Variants in PPOX observed in about 807,000 individuals in gnomAD.
PPOX encodes variegate porphyria.
A neutral mutation model predicts 54.1 loss-of-function variants in PPOX; 23 were observed. The observed-to-expected ratio is 0.43, with a 90% confidence interval of 0.31 to 0.60. The LOEUF (loss-of-function observed/expected upper bound fraction) is 0.60. PPOX is among the 20% of genes least tolerant of loss of function. The probability of loss-of-function intolerance (pLI) is 0.13; values close to 1 mark genes in which losing one functional copy is unlikely to be tolerated. For synonymous variants in PPOX, 224 were observed against 236.1 expected (o/e 0.95, Z 0.47); for missense variants, 512 against 601.1 (o/e 0.85, Z 1.55).
downstream of PPOX, chr1:161,174,800 A>AT (rs1238323409): frequency 1.1e-5 from 7 of 612,712 alleles, no homozygotes; most frequent in Non-Finnish European, 2.0e-5. Context: ...GACAGTGGGA[A>AT]TAACCTAAGC....
In PPOX at chr1:161,170,538, T is replaced by TG; in HGVS notation, c.1098+20dup. On this transcript the variant is annotated intron_variant, in intron 10 of 12. Coordinates refer to ENST00000367999, the MANE Select transcript of PPOX (RefSeq NM_001122764.3). ...AGTGACTGTGAGGAGGAGGAAACTTTGCCTAGTGGCATTTCCAGAGGGCTC... is the reference window on the plus strand; with the variant it reads ...AGTGACTGTGAGGAGGAGGAAACTTTGGCCTAGTGGCATTTCCAGAGGGCTC... The TG allele has an allele frequency of 6.2e-7, 1 of 1,614,184 alleles. No individual in the cohort carries two copies. The highest frequency in any genetic ancestry group is 2.2e-5 in the East Asian group (1 of 44,894).
At chr1:161,167,303 G>A in intron 3 of PPOX, 68 bp from the exon 4 acceptor site, 5 of 1,614,150 alleles carry the variant, frequency 3.1e-6, no homozygotes, top group East Asian at 2.2e-5. Context: ...GAGTTTAGGG[G>A]AGGAAGTATG....
At position 161,166,827 on chromosome 1, in the gene PPOX, C is replaced by A. The variant is rs767015548; in HGVS notation, c.-8-13C>A. 1 of 1,612,444 alleles carries A rather than the reference C, an allele frequency of 6.2e-7. No homozygotes were observed. Among genetic ancestry groups the A allele is most frequent in the East Asian group, 2.2e-5 (1 of 44,888 alleles). On this transcript the variant is annotated splice_polypyrimidine_tract_variant and intron_variant, in intron 1 of 12. Transcript: ENST00000367999. The stretch of plus-strand genomic sequence containing the variant: ...CCCCGGTCTGCCTGTCCATATCGCC[C>A]CCTTTCCCCCAGGTTTCCGCATGGG...
At position 161,170,679 on chromosome 1, in the gene PPOX, G is replaced by A. The variant is rs758588366; in HGVS notation, c.1158G>A (p.Gln386=). Residue 386 remains glutamine (Q), a synonymous_variant, in exon 11 of 13, where the codon CAG becomes CAA. Transcript: ENST00000367999. Reference sequence around the variant, plus strand: ...AGGCTAGTGGCTGTGTCTTATCTCAGGAGCTGTTTCAACAGCGGGCCCAGG... The same window carrying A: ...AGGCTAGTGGCTGTGTCTTATCTCAAGAGCTGTTTCAACAGCGGGCCCAGG... The part of the protein sequence containing the change: ...TLEASGCVLS[Q]ELFQQRAQEA... The A allele has an allele frequency of 1.2e-6, 2 of 1,614,140 alleles. No individual in the cohort carries two copies. The highest frequency in any genetic ancestry group is 1.7e-6 in the Non-Finnish European group (2 of 1,180,042).
chr1:161,165,757 GAT>G (rs1238017305), upstream of PPOX: 1 of 256,246 alleles, frequency 3.9e-6, no homozygotes, highest in Non-Finnish European at 7.6e-6. Flanking sequence ...CTTAGGGGGT[GAT>G]AGAGAACTGA....
chr1:161,174,308 G>A (rs1028733855), downstream of PPOX, among the ~76,000 whole-genome samples: 1 of 151,684 alleles, frequency 6.6e-6, no homozygotes, highest in Non-Finnish European at 1.5e-5. Context: ...TCAGGAGGCT[G>A]AGGCAGGAGA....
At position 161,167,407 on chromosome 1, in the gene PPOX, G is replaced by A; in HGVS notation, c.259G>A (p.Val87Ile). The change falls in exon 4 of 13, where the codon GTC (valine) becomes ATC (isoleucine). Residue 87 changes from valine (V) to isoleucine (I), a missense_variant. Transcript: ENST00000367999. ...ELGLDSEVLP[V>I]RGDHPAAQNR... is the part of the protein sequence containing the mutation. The stretch of plus-strand genomic sequence containing the variant: ...TGGCTTGGATTCAGAAGTGCTGCCT[G>A]TCCGGGGAGACCACCCAGCTGCCCA... The A allele has an allele frequency of 6.2e-7, 1 of 1,613,948 alleles. No homozygotes were observed. The highest frequency in any genetic ancestry group is 1.3e-5 in the African/African-American group (1 of 74,974).
chr1:161,174,722 G>C (rs898042806), downstream of PPOX, among the ~76,000 whole-genome samples: 1 of 152,158 alleles, frequency 6.6e-6, no homozygotes, highest in Non-Finnish European at 1.5e-5. Context: ...TAGAATTTTA[G>C]CCCTATTGTG....
rs556315387 is a variant in PPOX, at chr1:161,168,486, C to G, written c.526C>G (p.Arg176Gly). Residue 176 changes from arginine to glycine, a missense_variant, in exon 6 of 13, where the codon CGT becomes GGT. By Grantham distance (125) the Arg-to-Gly change is moderately radical. Transcript: ENST00000367999. ...LCRGVFAGNSRELSIRSCFPS... is the reference protein window; with the variant it reads ...LCRGVFAGNSGELSIRSCFPS... ...CCGTGGAGTGTTTGCAGGCAACAGC[C>G]GTGAGCTCAGCATCAGGTCCTGCTT... is the stretch of plus-strand genomic sequence containing the variant. 1 of 1,614,128 alleles carries G rather than the reference C, an allele frequency of 6.2e-7. No individual in the cohort carries two copies. Among genetic ancestry groups the G allele is most frequent in the East Asian group, 2.2e-5 (1 of 44,886 alleles).
rs1490904401 is a variant in PPOX, at chr1:161,167,458, G to A, written c.310G>A (p.Ala104Thr). 6.2e-7 allele frequency: 1 copy of A among 1,612,212 alleles called. No homozygotes were observed. The highest frequency in any genetic ancestry group is 8.5e-7 in the Non-Finnish European group (1 of 1,179,954). The change falls in exon 4 of 13, where the codon GCC (alanine) becomes ACC (threonine). Residue 104 changes from alanine (A) to threonine (T), a missense_variant. Coordinates refer to ENST00000367999, the MANE Select transcript of PPOX (RefSeq NM_001122764.3). ...AQNRFLYVGGALHALPTGLRG... is the reference protein window; with the variant it reads ...AQNRFLYVGGTLHALPTGLRG... ...GAACAGGTTCCTCTACGTGGGCGGT[G>A]CCCTGCATGCCCTACCCACTGGCCT...
chr1:161,169,353 C>A, intron 7 of PPOX, 170 bp downstream of exon 7: 1 of 818,542 alleles, frequency 1.2e-6, no homozygotes, highest in Non-Finnish European at 1.9e-6. Context: ...GAACCTTCCT[C>A]AAAGAGCCTA....
chr1:161,166,100 T>C (rs2101831652), upstream of PPOX: 1 of 985,342 alleles, frequency 1.0e-6, no homozygotes, highest in Middle Eastern at 5.2e-4. Flanking sequence ...TGGCCTTAAG[T>C]GTCCCTATCT....
At chr1:161,171,617 G>A, downstream of PPOX, 1 of 680,586 alleles carries the variant, frequency 1.5e-6, no homozygotes, top group Non-Finnish European at 2.4e-6. Flanking sequence ...AAGCCCTACA[G>A]GAGACCCTAG....
Position 161,169,018 on chromosome 1 carries a change from A to G in PPOX, c.642A>G (p.Ala214=), listed in dbSNP as rs750929022. The change falls in exon 7 of 13, where the codon GCA becomes GCG. Residue 214 remains alanine, a synonymous_variant. Coordinates refer to ENST00000367999, the MANE Select transcript of PPOX (RefSeq NM_001122764.3). ...GGCGGACCCCACAGCCAGACTCAGC[A>G]CTCATTCGCCAGGCCTTGGCTGAGC... ...GAGRTPQPDS[A]LIRQALAERW... The G allele has an allele frequency of 6.2e-7, 1 of 1,614,016 alleles. No homozygotes were observed. Among genetic ancestry groups the G allele is most frequent in the South Asian group, 1.1e-5 (1 of 91,084 alleles).
chr1:161,172,552 T>C (rs1661834830), downstream of PPOX: 1 of 516,874 alleles, frequency 1.9e-6, no homozygotes, highest in African/African-American at 2.0e-5. Flanking sequence ...CCCTAGGGCC[T>C]TTAAACAGTT....
rs1216503883 is a variant in PPOX at position 161,168,974 on chromosome 1, T to C, written c.617-19T>C. 6.2e-7 allele frequency: 1 copy of C among 1,613,034 alleles called. No individual in the cohort carries two copies. Among genetic ancestry groups the C allele is most frequent in the East Asian group, 2.2e-5 (1 of 44,892 alleles). ...CCACTGCATCCAGCCTCAATGATTC[T>C]TCTTTGCTTCCTCTGCAGGGCGGAC... On this transcript the variant is annotated intron_variant, in intron 6 of 12. Coordinates refer to ENST00000367999, the MANE Select transcript of PPOX (RefSeq NM_001122764.3).
chr1:161,167,389 G>T lies in PPOX; in HGVS notation c.241G>T (p.Asp81Tyr). ...TLLLVSELGLDSEVLPVRGDH... is the reference protein window; with the variant it reads ...TLLLVSELGLYSEVLPVRGDH... ...AGAGCAGGTTTCTGAGCTTGGCTTG[G>T]ATTCAGAAGTGCTGCCTGTCCGGGG... is the stretch of plus-strand genomic sequence containing the variant. Residue 81 changes from aspartate (D) to tyrosine (Y), a missense_variant, in exon 4 of 13, where the codon GAT (aspartate) becomes TAT (tyrosine). By Grantham distance (160) the Asp-to-Tyr change is radical (BLOSUM62 -3). Transcript: ENST00000367999. 1 of 1,613,890 alleles carries T rather than the reference G, an allele frequency of 6.2e-7. No homozygotes were observed. The highest frequency in any genetic ancestry group is 8.5e-7 in the Non-Finnish European group (1 of 1,179,988).
At position 161,167,438 on chromosome 1, in the gene PPOX, G is replaced by A; in HGVS notation, c.290G>A (p.Arg97Lys). Residue 97 changes from arginine to lysine, a missense_variant, in exon 4 of 13, where the codon AGG becomes AAG. Transcript: ENST00000367999. Reference sequence around the variant, plus strand: ...GGAGACCACCCAGCTGCCCAGAACAGGTTCCTCTACGTGGGCGGTGCCCTG... The same window carrying A: ...GGAGACCACCCAGCTGCCCAGAACAAGTTCCTCTACGTGGGCGGTGCCCTG... ...VRGDHPAAQN[R>K]FLYVGGALHA... 1 of 1,613,494 alleles carries A rather than the reference G, an allele frequency of 6.2e-7. No homozygotes were observed. The highest frequency in any genetic ancestry group is 1.3e-5 in the African/African-American group (1 of 74,982).
At position 161,170,134 on chromosome 1, in the gene PPOX, G is replaced by T. The variant is rs747912640; in HGVS notation, c.987+110G>T. 1.4e-4 allele frequency: 190 copies of T among 1,321,918 alleles called. 1 individual carries two copies. Among genetic ancestry groups the T allele is most frequent in the Non-Finnish European group, 1.8e-4 (171 of 954,126 alleles). 81.9% of individuals were successfully genotyped at this position (1,321,918 alleles called of 1,614,324 possible). On this transcript the variant is annotated intron_variant, in intron 9 of 12. Coordinates refer to ENST00000367999, the MANE Select transcript of PPOX (RefSeq NM_001122764.3). Reference sequence around the variant, plus strand: ...AAGGTCAGGAGTTCGAGACCAGCCTGGCCAACATGGTGAAACCCCATCTCT... The same window carrying T: ...AAGGTCAGGAGTTCGAGACCAGCCTTGCCAACATGGTGAAACCCCATCTCT...
Sources: allele counts gnomAD v4.1 joint callset (sites outside exome capture counted in the v4.1 genomes callset), GRCh38; gene constraint gnomAD v4.1.1; transcripts MANE v1.5; gene names NCBI Gene and HGNC (gene_info 2026-07-23, HGNC 2026-07-21).